The following LARGE1 variants were observed in gnomAD, a reference collection of about 807,000 sequenced individuals.
LARGE1 encodes the protein LARGE xylosyl- and glucuronyltransferase 1, also known as xylosyl- and glucuronyltransferase LARGE1.
LARGE1 carries 43 observed loss-of-function variants against 87.6 expected under a neutral mutation model. The observed-to-expected ratio is 0.49, with a 90% CI of 0.38 to 0.63. The LOEUF is 0.63. LARGE1 is among the 30% of genes least tolerant of loss of function. The pLI is 0.00. For synonymous variants in LARGE1, 434 were observed against 394.6 expected (o/e 1.10, Z -1.18); for missense variants, 802 against 1,000.2 (o/e 0.80, Z 2.67).
At chr22:33,831,839 T>C (rs1182135054) in intron 1 of LARGE1, among the ~76,000 whole-genome samples, 1 of 151,938 alleles carries the variant, frequency 6.6e-6, no homozygotes, top group Non-Finnish European at 1.5e-5. Flanking sequence ...CTGCTTGGCC[T>C]AGCACACAAA....
At chr22:33,415,119 C>T (rs941877452) in intron 7 of LARGE1, among the ~76,000 whole-genome samples, 1 of 152,170 alleles carries the variant, frequency 6.6e-6, no homozygotes, top group African/African-American at 2.4e-5. Flanking sequence ...AAGGGCAAGT[C>T]AGGAGGAGCA....
At chr22:33,881,523 T>A (rs16993223) in intron 1 of LARGE1, among the ~76,000 whole-genome samples, 1 of 152,152 alleles carries the variant, frequency 6.6e-6, no homozygotes, top group Non-Finnish European at 1.5e-5. Context: ...AGAAGAGAAG[T>A]GTGGTTAAAA....
intron 12 of LARGE1, among the ~76,000 whole-genome samples, chr22:33,286,638 T>C (rs1005715672): frequency 6.6e-6 from 1 of 152,198 alleles, no homozygotes. Context: ...ATTGCATTTG[T>C]AGCTGATTAT....
At chr22:33,712,919 T>C (rs2082779766) in intron 2 of LARGE1, among the ~76,000 whole-genome samples, 1 of 152,142 alleles carries the variant, frequency 6.6e-6, no homozygotes, top group African/African-American at 2.4e-5. Flanking sequence ...TAAGTATTTG[T>C]CAACGGTGAG....
intron 2 of LARGE1, among the ~76,000 whole-genome samples, chr22:33,709,499 A>G (rs1321584736): frequency 6.6e-6 from 1 of 152,172 alleles, no homozygotes; most frequent in Non-Finnish European, 1.5e-5. Context: ...CCAAGACTGC[A>G]CTTGGATTTA....
At chr22:33,206,692 T>A (rs1924705766) in intron 11 of LARGE1, among the ~76,000 whole-genome samples, 1 of 152,170 alleles carries the variant, frequency 6.6e-6, no homozygotes, top group African/African-American at 2.4e-5. Context: ...GTCCAATAGG[T>A]CTCTGCTCCT....
At chr22:33,326,993 T>TTG (rs757219369) in intron 10 of LARGE1, among the ~76,000 whole-genome samples, 23 of 152,166 alleles carry the variant, frequency 1.5e-4, no homozygotes, top group Non-Finnish European at 2.6e-4. Context: ...CTAGCCTGTC[T>TTG]TAGGGTTTTG....
intron 6 of LARGE1, among the ~76,000 whole-genome samples, chr22:33,497,477 A>G (rs1411022769): frequency 6.6e-6 from 1 of 152,214 alleles, no homozygotes; most frequent in Non-Finnish European, 1.5e-5. Flanking sequence ...TGACTGGCCC[A>G]GAGTAAGGGC....
intron 1 of LARGE1, among the ~76,000 whole-genome samples, chr22:33,825,851 C>T (rs780243405): frequency 4.6e-5 from 7 of 151,950 alleles, no homozygotes; most frequent in Non-Finnish European, 8.8e-5. Context: ...TCCCCAGCTG[C>T]AATTAATAAA....
chr22:33,791,344 T>C (rs1247569327), intron 1 of LARGE1, among the ~76,000 whole-genome samples: 1 of 152,196 alleles, frequency 6.6e-6, no homozygotes, highest in Non-Finnish European at 1.5e-5. Context: ...TTTGGGGCCG[T>C]ATACCCTAGG....
intron 1 of LARGE1, among the ~76,000 whole-genome samples, chr22:33,838,397 G>C (rs2063171840): frequency 6.6e-6 from 1 of 152,154 alleles, no homozygotes; most frequent in South Asian, 2.1e-4. Flanking sequence ...CCAGCACTTT[G>C]GGAGGCCAAG....
chr22:33,277,018 T>TC (rs1326455814), intron 14 of LARGE1, 42 bp downstream of exon 14: 1 of 1,583,498 alleles, frequency 6.3e-7, no homozygotes, highest in Non-Finnish European at 8.7e-7. Context: ...TCTAGGCCTC[T>TC]CCCCCGTCGA....
At chr22:33,592,071 G>GGGAGGAGAGA (rs1299567318) in intron 5 of LARGE1, among the ~76,000 whole-genome samples, 2 of 137,382 alleles carry the variant, frequency 1.5e-5, no homozygotes, top group East Asian at 4.6e-4. Context: ...GAGAAGGGAG[G>GGGAGGAGAGA]GGAGGAGAGA....
chr22:33,731,227 T>C lies in LARGE1; in HGVS notation c.106+30144A>G, dbSNP rs532247547. ...ACCATGTTAGCCACGATGGTCTCGATCTCCTGAACTTGTGATCCGCCCACC... is the reference window on the plus strand; with the variant it reads ...ACCATGTTAGCCACGATGGTCTCGACCTCCTGAACTTGTGATCCGCCCACC... On this transcript the variant is annotated intron_variant, in intron 2 of 14. Coordinates refer to ENST00000397394, the MANE Select transcript of LARGE1 (RefSeq NM_133642.5). 4.6e-5 allele frequency among the ~76,000 whole-genome samples: 7 copies of C among 151,932 alleles called. No homozygotes were observed. In the East Asian group the frequency reaches 1.2e-3, roughly 25 times the overall value.
intron 9 of LARGE1, among the ~76,000 whole-genome samples, chr22:33,371,328 A>T (rs776554171): frequency 5.0e-4 from 76 of 152,214 alleles, no homozygotes; most frequent in Non-Finnish European, 6.0e-4. Flanking sequence ...AAAAATGGAA[A>T]TATCTTCGAA....
At chr22:33,421,669 A>G (rs910996134) in intron 7 of LARGE1, among the ~76,000 whole-genome samples, 2 of 152,214 alleles carry the variant, frequency 1.3e-5, no homozygotes, top group African/African-American at 4.8e-5. Flanking sequence ...ACTTTTCAGA[A>G]CAATCCTTTC....
intron 6 of LARGE1, among the ~76,000 whole-genome samples, chr22:33,447,716 G>T (rs1211555429): frequency 2.0e-5 from 3 of 152,324 alleles, no homozygotes; most frequent in South Asian, 4.2e-4. Context: ...TGGGCGTGGG[G>T]TAAGTCCCTC....
chr22:33,650,569 A>G lies in LARGE1; in HGVS notation c.206T>C (p.Met69Thr), dbSNP rs1602977812. Residue 69 changes from methionine to threonine, a missense_variant, in exon 3 of 15, where the codon ATG becomes ACG. This residue lies in a region of LARGE1 where 177 missense variants were observed against 158.3 expected (regional missense o/e 1.12). Transcript: ENST00000397394. ...QRERESLEVR[M>T]REVEEENRAL... ...GCGGTTCTCCTCCTCCACCTCGCGC[A>G]TGCGCACCTCCAGGCTCTCGCGCTC... The G allele has an allele frequency of 2.5e-6, 4 of 1,607,618 alleles. No homozygotes were observed. The African/African-American group carries it at 4.0e-5, about 16-fold the overall frequency.
intron 6 of LARGE1, among the ~76,000 whole-genome samples, chr22:33,545,261 T>G (rs2148663052): frequency 8.2e-6 from 1 of 122,204 alleles, no homozygotes; most frequent in Non-Finnish European, 1.7e-5. Flanking sequence ...TGTCTTTCCT[T>G]TTCTTTTTTT....
Sources: gnomAD v4.1 joint callset for allele counts (sites outside exome capture counted in the v4.1 genomes callset) on GRCh38, gnomAD v4.1.1 for gene constraint, gnomAD v4.1.1 regional missense constraint, MANE v1.5 for transcripts, NCBI Gene and HGNC (gene_info 2026-07-23, HGNC 2026-07-21) for gene names.